The following GLRX5 variants were observed in gnomAD, a reference collection of about 807,000 sequenced individuals.
The protein encoded by GLRX5 is glutaredoxin-related protein 5, mitochondrial.
A neutral mutation model predicts 13.8 loss-of-function variants in GLRX5; 10 were observed. The observed-to-expected ratio is 0.72, with a 90% confidence interval of 0.45 to 1.23. The LOEUF (loss-of-function observed/expected upper bound fraction) is 1.23. Ranked by LOEUF, GLRX5 falls within the 50% of genes most tolerant of loss-of-function variation. The probability of loss-of-function intolerance (pLI) is 0.00; values close to 1 mark genes in which losing one functional copy is unlikely to be tolerated. For missense variants in GLRX5, 233 were observed against 215.2 expected (o/e 1.08, Z -0.52); for synonymous variants, 98 against 101.1 (o/e 0.97, Z 0.18).
chr14:95,542,255 G>A (rs1595283948), intron 1 of GLRX5, among the ~76,000 whole-genome samples: 1 of 152,302 alleles, frequency 6.6e-6, no homozygotes, highest in East Asian at 1.9e-4. Context: ...ATTCTACTAT[G>A]TCTAGATATT....
intron 1 of GLRX5, among the ~76,000 whole-genome samples, chr14:95,540,361 C>G (rs1179473295): frequency 2.0e-5 from 3 of 152,098 alleles, no homozygotes; most frequent in African/African-American, 2.4e-5. Flanking sequence ...GCTGGGAGCT[C>G]AATTCATTTC....
intron 1 of GLRX5, among the ~76,000 whole-genome samples, chr14:95,540,887 A>T (rs993889570): frequency 7.2e-5 from 11 of 152,328 alleles, no homozygotes; most frequent in African/African-American, 2.6e-4. Flanking sequence ...TCTGGAAGGG[A>T]ATTTTAAAGT....
At chr14:95,537,888 CCTT>C (rs1369732240) in intron 1 of GLRX5, among the ~76,000 whole-genome samples, 3 of 152,188 alleles carry the variant, frequency 2.0e-5, no homozygotes, top group Non-Finnish European at 4.4e-5. Context: ...ACCTTCTTGT[CCTT>C]CTCTTTTTAT....
intron 1 of GLRX5, among the ~76,000 whole-genome samples, chr14:95,537,876 A>G (rs1442449986): frequency 6.6e-6 from 1 of 152,234 alleles, no homozygotes; most frequent in African/African-American, 2.4e-5. Flanking sequence ...GGCCTTCTCA[A>G]GACCTTCTTG....
chr14:95,542,508 A>G (rs1891489118), intron 1 of GLRX5, among the ~76,000 whole-genome samples: 1 of 152,194 alleles, frequency 6.6e-6, no homozygotes, highest in African/African-American at 2.4e-5. Flanking sequence ...TAAGGCAATA[A>G]CTTTTAAGAA....
chr14:95,538,710 A>G (rs1315901674), intron 1 of GLRX5, among the ~76,000 whole-genome samples: 1 of 152,244 alleles, frequency 6.6e-6, no homozygotes, highest in Non-Finnish European at 1.5e-5. Context: ...GTAAAGGGCC[A>G]GAGACTAAGT....
In GLRX5 at chr14:95,544,032, G is replaced by A; in HGVS notation, c.381G>A (p.Gln127=). 6.2e-7 allele frequency: 1 copy of A among 1,613,274 alleles called. No individual in the cohort carries two copies. The highest frequency in any genetic ancestry group is 8.5e-7 in the Non-Finnish European group (1 of 1,179,166). Residue 127 remains glutamine (Q), a synonymous_variant, in exon 2 of 2, where the codon CAG becomes CAA. Transcript: ENST00000331334. ...EFVGGCDILL[Q]MHQNGDLVEE... ...TAGGGGGCTGTGACATTCTTCTGCA[G>A]ATGCACCAGAATGGGGACTTGGTGG...
At chr14:95,539,876 A>G (rs1037172225) in intron 1 of GLRX5, among the ~76,000 whole-genome samples, 1 of 138,650 alleles carries the variant, frequency 7.2e-6, no homozygotes, top group African/African-American at 2.7e-5. Flanking sequence ...CCTTAACTCA[A>G]TAAATGGTAT....
At position 95,535,072 on chromosome 14, in the gene GLRX5, T is replaced by G. The variant is rs746009921; in HGVS notation, c.-18T>G. ...GCTGTGGGCCCGGGCCGTCGTGGGC[T>G]CCGGCTTGCGTGCGGAGATGAGCGG... On this transcript the variant is annotated 5_prime_UTR_variant, in exon 1 of 2. Coordinates refer to ENST00000331334, the MANE Select transcript of GLRX5 (RefSeq NM_016417.3). The G allele has an allele frequency of 7.5e-6, 10 of 1,336,882 alleles. No homozygotes were observed. The South Asian group carries it at 1.5e-4, about 20-fold the overall frequency. 82.8% of individuals were successfully genotyped at this position (1,336,882 alleles called of 1,614,324 possible). A position where few individuals can be genotyped will look rare whatever the true frequency, so the allele number is the denominator to read the frequency against.
chr14:95,537,903 T>A (rs1228707481), intron 1 of GLRX5, among the ~76,000 whole-genome samples: 1 of 152,206 alleles, frequency 6.6e-6, no homozygotes. Context: ...TCTTTTTATC[T>A]GGAGTGCACA....
At chr14:95,535,509 G>T in intron 1 of GLRX5, 125 bp downstream of exon 1, 1 of 947,560 alleles carries the variant, frequency 1.1e-6, no homozygotes, top group Non-Finnish European at 1.6e-6. Flanking sequence ...CTGTCTGAAG[G>T]TTCGAGCCGG....
rs3071413 is a variant in GLRX5 at position 95,543,666 on chromosome 14, C to CAAA, written c.296-272_296-270dup. On this transcript the variant is annotated intron_variant, in intron 1 of 1. Transcript: ENST00000331334. ...GAGAATCTTGCTTACCTAATTCTCA[C>CAAA]AAAAAAAAAAACCTTGGGAGATGAG... 0.056 allele frequency: 20,326 copies of CAAA among 364,822 alleles called. 24 individuals carry two copies. The highest frequency in any genetic ancestry group is 0.13 in the Middle Eastern group (161 of 1,242). 22.6% of individuals were successfully genotyped at this position (364,822 alleles called of 1,614,324 possible). A position where few individuals can be genotyped will look rare whatever the true frequency, so the allele number is the denominator to read the frequency against.
intron 1 of GLRX5, 111 bp downstream of exon 1, chr14:95,535,495 G>A: frequency 9.2e-7 from 1 of 1,086,432 alleles, no homozygotes; most frequent in Admixed American, 2.1e-5. Context: ...CCATCCGCCG[G>A]GGTCTGTCTG....
Position 95,535,116 on chromosome 14 carries a change from G to A in GLRX5, c.27G>A (p.Ala9=), listed in dbSNP as rs1595279922. The change falls in exon 1 of 2, where the codon GCG becomes GCA. Residue 9 remains alanine (A), a synonymous_variant. Transcript: ENST00000331334. ...TGAGCGGGTCCCTCGGCCGAGCTGC[G>A]GCGGCTCTGCTCCGCTGGGGGCGCG... is the stretch of plus-strand genomic sequence containing the variant. MSGSLGRA[A]AALLRWGRGA... is the part of the protein sequence containing the mutation. 6.1e-6 allele frequency: 8 copies of A among 1,308,206 alleles called. No individual in the cohort carries two copies. In the East Asian group the frequency reaches 3.2e-4, roughly 52 times the overall value. The allele number at this position is 1,308,206 out of a possible 1,614,324, so 81.0% of individuals were successfully genotyped here. A position where few individuals can be genotyped will look rare whatever the true frequency, so the allele number is the denominator to read the frequency against.
intron 1 of GLRX5, 24 bp downstream of exon 1, chr14:95,535,408 C>CG (rs1021604611): frequency 1.3e-6 from 2 of 1,540,230 alleles, no homozygotes; most frequent in Admixed American, 3.9e-5. Context: ...GCCGGGCAGG[C>CG]GCCCTCCGCC....
In GLRX5 at chr14:95,535,134, G is replaced by A. The variant is rs1434162873; in HGVS notation, c.45G>A (p.Trp15Ter). The A allele has an allele frequency of 8.1e-7, 1 of 1,240,488 alleles. No individual in the cohort carries two copies. The highest frequency in any genetic ancestry group is 1.0e-6 in the Non-Finnish European group (1 of 986,884). 76.8% of individuals were successfully genotyped at this position (1,240,488 alleles called of 1,614,324 possible). The change falls in exon 1 of 2, where the codon TGG becomes TGA. Residue 15 changes from tryptophan (W) to a stop codon, truncating the protein, a stop_gained. Coordinates refer to ENST00000331334, the MANE Select transcript of GLRX5 (RefSeq NM_016417.3). LOFTEE classifies it high-confidence loss of function. ...GAGCTGCGGCGGCTCTGCTCCGCTGGGGGCGCGGCGCGGGCGGCGGTGGCC... is the reference window on the plus strand; with the variant it reads ...GAGCTGCGGCGGCTCTGCTCCGCTGAGGGCGCGGCGCGGGCGGCGGTGGCC... The part of the protein sequence containing the change: ...LGRAAAALLR[W>*]GRGAGGGGLW...
chr14:95,542,838 C>T (rs184291237), intron 1 of GLRX5: 5 of 339,072 alleles, frequency 1.5e-5, no homozygotes, highest in South Asian at 8.9e-5. Flanking sequence ...TTTTAATGGC[C>T]GACTATGTTT....
intron 1 of GLRX5, among the ~76,000 whole-genome samples, chr14:95,538,729 C>G (rs1363795089): frequency 6.6e-6 from 1 of 152,184 alleles, no homozygotes; most frequent in Non-Finnish European, 1.5e-5. Flanking sequence ...GTACGTCAGG[C>G]TTTGTGGGCT....
chr14:95,536,732 A>C (rs11160255), intron 1 of GLRX5, among the ~76,000 whole-genome samples: 30,363 of 152,150 alleles, frequency 0.2, 3,342 homozygotes, highest in East Asian at 0.35. Flanking sequence ...TCGTATTAGC[A>C]CTTGATGGTT....
Sources: gnomAD v4.1 joint callset for allele counts (sites outside exome capture counted in the v4.1 genomes callset) on GRCh38, gnomAD v4.1.1 for gene constraint, MANE v1.5 for transcripts, NCBI Gene and HGNC (gene_info 2026-07-23, HGNC 2026-07-21) for gene names.